The following ACBD6 variants were observed in gnomAD, a reference collection of about 807,000 sequenced individuals.
ACBD6 encodes acyl-CoA binding domain containing 6.
Under a neutral mutation model 37.2 loss-of-function variants are expected in ACBD6, and 28 were observed. That is an observed-to-expected ratio of 0.75 (90% CI 0.56 to 1.03). The LOEUF is 1.03. Among genes scored for constraint, ACBD6 ranks in the 50% least tolerant of loss-of-function variants. ACBD6 has a pLI of 0.00. For synonymous variants in ACBD6, 113 were observed against 126.8 expected, an observed-to-expected ratio of 0.89 and a Z score of 0.73; for missense variants, 340 against 337.4, an observed-to-expected ratio of 1.01 and a Z score of -0.06.
intron 6 of ACBD6, among the ~76,000 whole-genome samples, chr1:180,319,999 C>G (rs1435019813): frequency 6.6e-6 from 1 of 152,166 alleles, no homozygotes; most frequent in African/African-American, 2.4e-5. Context: ...ATACTGATTT[C>G]CTTTCTTTGG....
At chr1:180,294,615 T>C (rs1649847416) in intron 7 of ACBD6, among the ~76,000 whole-genome samples, 1 of 152,128 alleles carries the variant, frequency 6.6e-6, no homozygotes, top group Non-Finnish European at 1.5e-5. Context: ...TATAAAATTG[T>C]GTATAATGTT....
chr1:180,282,118 T>C (rs999983518), intron 8 of ACBD6, among the ~76,000 whole-genome samples: 6 of 152,350 alleles, frequency 3.9e-5, no homozygotes, highest in Admixed American at 2.6e-4. Context: ...CAAACTGGTA[T>C]GTTATTCTGT....
intron 7 of ACBD6, among the ~76,000 whole-genome samples, chr1:180,299,867 T>C (rs1650064744): frequency 6.6e-6 from 1 of 151,940 alleles, no homozygotes; most frequent in Non-Finnish European, 1.5e-5. Context: ...TGTTTAATCA[T>C]GAAGTAACAG....
chr1:180,280,607 G>A (rs904475090), intron 9 of ACBD6, among the ~76,000 whole-genome samples: 2 of 152,180 alleles, frequency 1.3e-5, no homozygotes, highest in African/African-American at 4.8e-5. Flanking sequence ...ATCAAGGAGA[G>A]TCATGACCCT....
At chr1:180,379,544 A>C (rs936636844) in intron 6 of ACBD6, among the ~76,000 whole-genome samples, 3 of 152,162 alleles carry the variant, frequency 2.0e-5, no homozygotes, top group Non-Finnish European at 2.9e-5. Flanking sequence ...AATTTGTCAG[A>C]GGTAGATATA....
chr1:180,480,867 C>T (rs552128006), intron 3 of ACBD6, among the ~76,000 whole-genome samples: 12 of 152,070 alleles, frequency 7.9e-5, no homozygotes, highest in African/African-American at 2.9e-4. Context: ...CTTGTCTCTA[C>T]TGAAAATACA....
At chr1:180,318,166 C>T (rs965701488) in intron 6 of ACBD6, among the ~76,000 whole-genome samples, 1 of 77,700 alleles carries the variant, frequency 1.3e-5, no homozygotes, top group Non-Finnish European at 2.5e-5. Flanking sequence ...CATCTCCGCC[C>T]CCCCCCCCCA....
At chr1:180,480,760 G>A (rs941744527) in intron 3 of ACBD6, among the ~76,000 whole-genome samples, 4 of 152,112 alleles carry the variant, frequency 2.6e-5, no homozygotes, top group South Asian at 2.1e-4. Flanking sequence ...GGCTGGGCAC[G>A]GTGGCTCATG....
chr1:180,274,424 A>ATCATTGC (rs1648898977), intron 10 of ACBD6: 1 of 1,614,084 alleles, frequency 6.2e-7, no homozygotes, highest in Non-Finnish European at 8.5e-7. Flanking sequence ...TAATTTGGGC[A>ATCATTGC]TCATTGCGCA....
chr1:180,386,299 G>A (rs530458005), intron 6 of ACBD6, among the ~76,000 whole-genome samples: 2 of 152,306 alleles, frequency 1.3e-5, no homozygotes, highest in South Asian at 4.1e-4. Context: ...CATAAGTTGA[G>A]GAGCATCTGC....
chr1:180,486,906 T>C (rs67343454), intron 3 of ACBD6, among the ~76,000 whole-genome samples: 17,093 of 152,116 alleles, frequency 0.11, 1,415 homozygotes, highest in African/African-American at 0.23. Flanking sequence ...GGTATTCTTC[T>C]TGAAAATGTA....
chr1:180,348,639 G>A (rs1184462689), intron 6 of ACBD6, among the ~76,000 whole-genome samples: 1 of 152,182 alleles, frequency 6.6e-6, no homozygotes, highest in Non-Finnish European at 1.5e-5. Context: ...TATGAATGCT[G>A]AAGTGTCTGA....
chr1:180,398,745 G>C (rs944135817), intron 5 of ACBD6, among the ~76,000 whole-genome samples: 1 of 152,166 alleles, frequency 6.6e-6, no homozygotes, highest in South Asian at 2.1e-4. Context: ...AAAAGCTAAG[G>C]GCTTTTCTGA....
intron 6 of ACBD6, among the ~76,000 whole-genome samples, chr1:180,391,166 C>T (rs1176046884): frequency 6.6e-6 from 1 of 152,076 alleles, no homozygotes. Context: ...TCACACTCTA[C>T]CCAATTAACT....
intron 6 of ACBD6, among the ~76,000 whole-genome samples, chr1:180,373,059 G>A (rs951855873): frequency 2.0e-5 from 3 of 152,116 alleles, no homozygotes; most frequent in Admixed American, 6.6e-5. Flanking sequence ...TAGCTAGGCC[G>A]AGAGTCACCC....
At chr1:180,271,159 A>G (rs1648629309) in exon 14 of ACBD6, 2 of 611,748 alleles carry the variant, frequency 3.3e-6, no homozygotes, top group South Asian at 1.8e-5. Flanking sequence ...GAGCAGAGAA[A>G]GGACTGCTGT....
chr1:180,451,152 T>A (rs373756176), intron 3 of ACBD6, among the ~76,000 whole-genome samples: 4 of 152,124 alleles, frequency 2.6e-5, no homozygotes, highest in African/African-American at 7.2e-5. Context: ...CATTAAAAGG[T>A]GGTCAATATC....
intron 4 of ACBD6, among the ~76,000 whole-genome samples, chr1:180,421,096 G>A (rs548759842): frequency 6.6e-6 from 1 of 152,082 alleles, no homozygotes; most frequent in South Asian, 2.1e-4. Context: ...GTGGTTTGCT[G>A]CACAGACTGT....
chr1:180,287,395 G>A (rs1187711492), downstream of ACBD6: 2 of 137,538 alleles, frequency 1.5e-5, no homozygotes, highest in East Asian at 4.1e-4. Context: ...GGGTGACATA[G>A]CGAGACCCTG....
Sources: gnomAD v4.1 joint callset for allele counts (sites outside exome capture counted in the v4.1 genomes callset) on GRCh38, gnomAD v4.1.1 for gene constraint, MANE v1.5 for transcripts, NCBI Gene and HGNC (gene_info 2026-07-23, HGNC 2026-07-21) for gene names.